SPATA16: variants seen among roughly 807,000 people sequenced by gnomAD.
SPATA16 encodes the protein spermatogenesis associated 16.
In SPATA16, 36 loss-of-function variants were observed where a neutral mutation model predicts 63.3. The ratio of observed to expected loss-of-function variants is 0.57; its 90% CI spans 0.44 to 0.75. The LOEUF is 0.75. SPATA16 is among the 30% of genes least tolerant of loss of function. The pLI, the probability that SPATA16 is intolerant of heterozygous loss-of-function variation, is 0.00. For synonymous variants in SPATA16, 203 were observed against 216.7 expected, an observed-to-expected ratio of 0.94 and a Z score of 0.56; for missense variants, 646 against 679.3, an observed-to-expected ratio of 0.95 and a Z score of 0.54.
At chr3:172,997,182 A>G (rs1734712620) in intron 4 of SPATA16, among the ~76,000 whole-genome samples, 1 of 152,178 alleles carries the variant, frequency 6.6e-6, no homozygotes, top group Non-Finnish European at 1.5e-5. Context: ...TGGTAAGAAT[A>G]TGCCTTAGTT....
intron 6 of SPATA16, among the ~76,000 whole-genome samples, chr3:172,941,572 A>G (rs149913462): frequency 1.7e-4 from 26 of 152,312 alleles, no homozygotes; most frequent in African/African-American, 5.8e-4. Flanking sequence ...GAAATTTATA[A>G]CCTGTTGAAC....
intron 10 of SPATA16, among the ~76,000 whole-genome samples, chr3:172,901,285 C>T (rs1383121391): frequency 6.6e-6 from 1 of 152,162 alleles, no homozygotes; most frequent in Non-Finnish European, 1.5e-5. Flanking sequence ...CTGCAACCTC[C>T]ACCTCCCGGG....
intron 6 of SPATA16, among the ~76,000 whole-genome samples, chr3:172,952,424 C>G (rs1263645085): frequency 6.6e-6 from 1 of 152,068 alleles, no homozygotes. Flanking sequence ...CATGGACATT[C>G]AGGAATCTAC....
At chr3:172,999,050 C>T (rs1190109647) in intron 4 of SPATA16, among the ~76,000 whole-genome samples, 2 of 152,000 alleles carry the variant, frequency 1.3e-5, no homozygotes, top group Non-Finnish European at 1.5e-5. Context: ...ACGACAGCCT[C>T]ATAGAATGAG....
chr3:173,059,685 G>A (rs1041598516), intron 2 of SPATA16, among the ~76,000 whole-genome samples: 2 of 151,788 alleles, frequency 1.3e-5, no homozygotes, highest in Admixed American at 1.3e-4. Flanking sequence ...TGGATTATCT[G>A]CTTAGTTCCT....
intron 10 of SPATA16, among the ~76,000 whole-genome samples, chr3:172,908,870 C>T (rs576311459): frequency 1.1e-4 from 17 of 151,314 alleles, no homozygotes; most frequent in Non-Finnish European, 2.2e-4. Context: ...TTTCTGCACA[C>T]GCAAATTAAC....
At chr3:172,964,786 C>G (rs1733874413) in intron 5 of SPATA16, among the ~76,000 whole-genome samples, 1 of 152,150 alleles carries the variant, frequency 6.6e-6, no homozygotes, top group Admixed American at 6.5e-5. Context: ...GACCTGGTGA[C>G]TTCGTTCTCA....
chr3:172,919,679 C>CT (rs1560066928), intron 8 of SPATA16, among the ~76,000 whole-genome samples: 1 of 150,436 alleles, frequency 6.6e-6, no homozygotes, highest in Non-Finnish European at 1.5e-5. Flanking sequence ...TTTTTTAATT[C>CT]TTTATTTTTT....
At chr3:173,065,798 AGCC>A (rs1293013489) in intron 2 of SPATA16, among the ~76,000 whole-genome samples, 5 of 152,196 alleles carry the variant, frequency 3.3e-5, no homozygotes, top group Admixed American at 3.3e-4. Context: ...GTATTAGATC[AGCC>A]CTGGGCCAGA....
In SPATA16 at chr3:172,898,873, AT is replaced by A. The variant is rs573786403; in HGVS notation, c.1588-9182del. On this transcript the variant is annotated intron_variant, in intron 10 of 10. Transcript: ENST00000351008. ...TGCTATACATTTTTCTCTCATTGCT[AT>A]TTTACCTGTATCCCACAAATTTTGA... 3.3e-3 allele frequency among the ~76,000 whole-genome samples: 496 copies of A among 151,332 alleles called. 4 individuals carry two copies. Among genetic ancestry groups the A allele is most frequent in the African/African-American group, 0.011 (462 of 41,346 alleles).
At chr3:172,930,553 C>CTTTTTTTTTTTTTTTTTTTTTT (rs34780432) in intron 6 of SPATA16, among the ~76,000 whole-genome samples, 1 of 87,366 alleles carries the variant, frequency 1.1e-5, no homozygotes, top group African/African-American at 4.5e-5. Context: ...CATTCAAACT[C>CTTTTTTTTTTTTTTTTTTTTTT]TTTTTTTTTT....
rs1737249849 is a variant in SPATA16, at chr3:173,092,565, A to C, written c.612+24555T>G. On this transcript the variant is annotated intron_variant, in intron 2 of 10. Transcript: ENST00000351008. Reference sequence around the variant, plus strand: ...AAGAGTCAGTGTCAAACTGGCTTTGAAGACGGAGGAAGGGTCCAACAGCCA... The same window carrying C: ...AAGAGTCAGTGTCAAACTGGCTTTGCAGACGGAGGAAGGGTCCAACAGCCA... Among the ~76,000 whole-genome samples the C allele has an allele frequency of 2.0e-5, 3 of 152,140 alleles. No homozygotes were observed. The South Asian group carries it at 6.2e-4, about 31-fold the overall frequency.
Position 173,117,182 on chromosome 3 carries a change from T to C in SPATA16, c.550A>G (p.Ser184Gly), listed in dbSNP as rs1737921969. ...KWLQVALKDASSCYRQKKYAL... is the reference protein window; with the variant it reads ...KWLQVALKDAGSCYRQKKYAL... ...TATTTCTTTTGTCTATAGCAAGAGCTGGCATCCTTTAAGGCTACCTGAAGC... is the reference window on the plus strand; with the variant it reads ...TATTTCTTTTGTCTATAGCAAGAGCCGGCATCCTTTAAGGCTACCTGAAGC... Residue 184 changes from serine to glycine, a missense_variant, in exon 2 of 11, where the codon AGC becomes GGC. Coordinates refer to ENST00000351008, the MANE Select transcript of SPATA16 (RefSeq NM_031955.6). 6.2e-7 allele frequency: 1 copy of C among 1,614,074 alleles called. No homozygotes were observed. Among genetic ancestry groups the C allele is most frequent in the South Asian group, 1.1e-5 (1 of 91,088 alleles).
intron 2 of SPATA16, among the ~76,000 whole-genome samples, chr3:173,075,826 G>A (rs1736788320): frequency 6.6e-6 from 1 of 152,058 alleles, no homozygotes; most frequent in Admixed American, 6.6e-5. Context: ...CAAGAATATA[G>A]ATAGAAGAAA....
At chr3:173,126,123 G>T (rs1475401746) in intron 1 of SPATA16, among the ~76,000 whole-genome samples, 1 of 150,500 alleles carries the variant, frequency 6.6e-6, no homozygotes, top group Non-Finnish European at 1.5e-5. Context: ...CTTTTTTATT[G>T]TAGTCTTTGT....
chr3:173,035,737 T>A (rs1234463833), intron 3 of SPATA16, among the ~76,000 whole-genome samples: 1 of 151,992 alleles, frequency 6.6e-6, no homozygotes, highest in East Asian at 1.9e-4. Flanking sequence ...AGCCTGCAAA[T>A]TTTCTATAGG....
chr3:173,043,170 G>A (rs981505425), intron 3 of SPATA16, among the ~76,000 whole-genome samples: 1 of 152,044 alleles, frequency 6.6e-6, no homozygotes. Flanking sequence ...AATTACTGAC[G>A]TAGTTTGATT....
intron 4 of SPATA16, among the ~76,000 whole-genome samples, chr3:173,010,733 A>G (rs988693378): frequency 6.6e-6 from 1 of 152,032 alleles, no homozygotes; most frequent in African/African-American, 2.4e-5. Context: ...GAGCATTTCA[A>G]TGGTGGCTCA....
rs1286747984 is a variant in SPATA16 at position 172,977,052 on chromosome 3, C to T, written c.849G>A (p.Arg283=). 3.1e-6 allele frequency: 5 copies of T among 1,608,858 alleles called. No individual in the cohort carries two copies. Among genetic ancestry groups the T allele is most frequent in the African/African-American group, 1.3e-5 (1 of 74,698 alleles). Residue 283 remains arginine (R), a splice_region_variant and synonymous_variant, in exon 5 of 11, where the codon CGG becomes CGA. Transcript: ENST00000351008. Reference sequence around the variant, plus strand: ...ACATGTAGTCAGCAATCATGGCACTCCTAAGAACAAGGACAGATTAAAAAA... The same window carrying T: ...ACATGTAGTCAGCAATCATGGCACTTCTAAGAACAAGGACAGATTAAAAAA... The part of the protein sequence containing the change: ...RCLERYSEAA[R]SAMIADYMFW...
Sources: allele counts gnomAD v4.1 joint callset (sites outside exome capture counted in the v4.1 genomes callset), GRCh38; gene constraint gnomAD v4.1.1; transcripts MANE v1.5; gene names NCBI Gene and HGNC (gene_info 2026-07-23, HGNC 2026-07-21).